ADGRD1: variants seen among roughly 807,000 people sequenced by gnomAD.
ADGRD1 encodes G-protein coupled receptor 133.
Under a neutral mutation model 113.4 loss-of-function variants are expected in ADGRD1, and 77 were observed. The observed-to-expected ratio is 0.68, with a 90% CI of 0.57 to 0.82. ADGRD1 has a LOEUF of 0.82. Ranked by LOEUF, ADGRD1 falls within the 40% of genes least tolerant of loss-of-function variation. The pLI, the probability that ADGRD1 is intolerant of heterozygous loss-of-function variation, is 0.00. For synonymous variants in ADGRD1, 474 were observed against 475.0 expected, an observed-to-expected ratio of 1.00 and a Z score of 0.03; for missense variants, 1,036 against 1,139.1, an observed-to-expected ratio of 0.91 and a Z score of 1.30.
intron 21 of ADGRD1, among the ~76,000 whole-genome samples, chr12:131,134,852 G>C (rs1951036279): frequency 6.6e-6 from 1 of 152,192 alleles, no homozygotes; most frequent in African/African-American, 2.4e-5. Flanking sequence ...CTGAGTCCTG[G>C]TGCTGGGATG....
Position 131,067,964 on chromosome 12 carries a change from G to A in ADGRD1, c.1474-8837G>A, listed in dbSNP as rs111387164. ...GAGCAGGGGCTGCCCTCTGCCTCCT[G>A]TATGTCTGATCGCTGTGCCCCTGAT... On this transcript the variant is annotated intron_variant, in intron 13 of 24. Coordinates refer to ENST00000261654, the MANE Select transcript of ADGRD1 (RefSeq NM_198827.5). 8.6e-3 allele frequency among the ~76,000 whole-genome samples: 437 copies of A among 50,762 alleles called. 1 individual carries two copies. Among genetic ancestry groups the A allele is most frequent in the South Asian group, 0.016 (14 of 852 alleles). The allele number at this position is 50,762 out of a possible 152,430, so 33.3% of individuals were successfully genotyped here.
rs549389842 is a variant in ADGRD1, at chr12:131,033,851, C to T, written c.1473+19511C>T. Among the ~76,000 whole-genome samples the T allele has an allele frequency of 4.6e-5, 7 of 152,262 alleles. No individual in the cohort carries two copies. The South Asian group carries it at 1.2e-3, about 27-fold the overall frequency. On this transcript the variant is annotated intron_variant, in intron 13 of 24. Coordinates refer to ENST00000261654, the MANE Select transcript of ADGRD1 (RefSeq NM_198827.5). Reference sequence around the variant, plus strand: ...GCCGCGTGGGTGAAGGCTGGGGACACGTGGTATCTGCAGGATCTAGGTGTG... The same window carrying T: ...GCCGCGTGGGTGAAGGCTGGGGACATGTGGTATCTGCAGGATCTAGGTGTG...
At chr12:131,034,579 GGAGA>G (rs1881171780) in intron 13 of ADGRD1, among the ~76,000 whole-genome samples, 1 of 152,226 alleles carries the variant, frequency 6.6e-6, no homozygotes, top group Non-Finnish European at 1.5e-5. Flanking sequence ...GAGAAGAGCA[GGAGA>G]GAGAGGGAGT....
chr12:130,974,089 G>GC (rs1872021946), intron 4 of ADGRD1, among the ~76,000 whole-genome samples: 1 of 152,192 alleles, frequency 6.6e-6, no homozygotes, highest in Non-Finnish European at 1.5e-5. Flanking sequence ...AGGTGACCGG[G>GC]CCATGAGCCT....
chr12:131,123,060 T>TG (rs1566130345), intron 20 of ADGRD1, among the ~76,000 whole-genome samples: 72 of 132,842 alleles, frequency 5.4e-4, no homozygotes, highest in African/African-American at 2.0e-3. Flanking sequence ...TTTTTTTTTT[T>TG]TTTTTTTTTT....
intron 23 of ADGRD1, chr12:131,137,648 G>C (rs1205279239): frequency 8.9e-6 from 2 of 224,322 alleles, no homozygotes; most frequent in Non-Finnish European, 1.8e-5. Flanking sequence ...GGACAGGCCA[G>C]GTGGGCCAAG....
chr12:131,135,923 C>A, intron 21 of ADGRD1, 114 bp from the exon 22 acceptor site: 1 of 1,145,308 alleles, frequency 8.7e-7, no homozygotes, highest in Non-Finnish European at 1.3e-6. Flanking sequence ...CCAGGTCTTG[C>A]TCCCGGCAGG....
chr12:130,987,550 C>T, intron 6 of ADGRD1: 1 of 606,922 alleles, frequency 1.6e-6, no homozygotes, highest in Non-Finnish European at 2.9e-6. Context: ...ACTAGAGATG[C>T]TTTGAGATGA....
At chr12:131,031,003 C>T (rs1880658483) in intron 13 of ADGRD1, among the ~76,000 whole-genome samples, 3 of 152,186 alleles carry the variant, frequency 2.0e-5, no homozygotes, top group Admixed American at 1.3e-4. Context: ...AGGGCCCCCA[C>T]CGAGGGCCGC....
chr12:131,074,873 A>G (rs1162629980), intron 13 of ADGRD1, among the ~76,000 whole-genome samples: 1 of 152,156 alleles, frequency 6.6e-6, no homozygotes, highest in Admixed American at 6.5e-5. Flanking sequence ...GACCACACAC[A>G]TGCTTGGCTT....
chr12:130,986,879 G>A, intron 5 of ADGRD1: 1 of 553,070 alleles, frequency 1.8e-6, no homozygotes, highest in Admixed American at 3.2e-5. Flanking sequence ...AACTGCTTCT[G>A]GAATTTAGGG....
At position 131,007,123 on chromosome 12, in the gene ADGRD1, G is replaced by A. The variant is rs148575062; in HGVS notation, c.1331+1076G>A. Among the ~76,000 whole-genome samples the A allele has an allele frequency of 3.3e-4, 51 of 152,346 alleles. 2 individuals are homozygous for A. Among genetic ancestry groups the A allele is most frequent in the African/African-American group, 1.0e-3 (42 of 41,576 alleles). On this transcript the variant is annotated intron_variant, in intron 12 of 24. Transcript: ENST00000261654. ...ACCTGCGTGGGAAAGCGGCATCCGT[G>A]CCACGGCCCACAACGTCACAAAGGC...
chr12:131,037,218 C>T (rs1016257286), intron 13 of ADGRD1, among the ~76,000 whole-genome samples: 9 of 104,156 alleles, frequency 8.6e-5, no homozygotes, highest in South Asian at 7.0e-4. Flanking sequence ...AGGTCTCACT[C>T]ACTGCACTGG....
At chr12:131,045,187 C>A (rs907587774) in intron 13 of ADGRD1, among the ~76,000 whole-genome samples, 3 of 152,226 alleles carry the variant, frequency 2.0e-5, no homozygotes, top group African/African-American at 7.2e-5. Context: ...CGTGGATGAG[C>A]CTGGCCCTCG....
intron 20 of ADGRD1, among the ~76,000 whole-genome samples, chr12:131,122,826 C>T (rs1244081147): frequency 1.3e-5 from 2 of 152,180 alleles, no homozygotes; most frequent in African/African-American, 4.8e-5. Flanking sequence ...GTGGCTCTGC[C>T]TGGCTCCTTC....
At chr12:131,104,738 G>T in intron 15 of ADGRD1, 93 bp from the exon 16 acceptor site, 2 of 760,294 alleles carry the variant, frequency 2.6e-6, no homozygotes, top group East Asian at 2.8e-5. Flanking sequence ...ACTCACAGGG[G>T]ACCAGCTGTG....
At position 131,060,934 on chromosome 12, in the gene ADGRD1, T is replaced by C. The variant is rs1884267182; in HGVS notation, c.1474-15867T>C. Among the ~76,000 whole-genome samples the C allele has an allele frequency of 6.6e-6, 1 of 151,822 alleles. No homozygotes were observed. Among genetic ancestry groups the C allele is most frequent in the South Asian group, 2.1e-4 (1 of 4,800 alleles). On this transcript the variant is annotated intron_variant, in intron 13 of 24. Coordinates refer to ENST00000261654, the MANE Select transcript of ADGRD1 (RefSeq NM_198827.5). The surrounding 1 kb of genome is among the most constrained non-coding windows in gnomAD (Gnocchi z 4.4). Reference sequence around the variant, plus strand: ...CATGTTACCTGGATGGAGAACAGAGTGGACAGAGTCCTGAAGGTCCCTCCT... The same window carrying C: ...CATGTTACCTGGATGGAGAACAGAGCGGACAGAGTCCTGAAGGTCCCTCCT...
chr12:131,045,007 C>T (rs1882533437), intron 13 of ADGRD1, among the ~76,000 whole-genome samples: 1 of 152,272 alleles, frequency 6.6e-6, no homozygotes, highest in South Asian at 2.1e-4. Flanking sequence ...GCCTTCTCCG[C>T]AGGCCGTGGT....
chr12:131,044,162 C>T lies in ADGRD1; in HGVS notation c.1473+29822C>T, dbSNP rs117739899. Among the ~76,000 whole-genome samples, 1,098 of 152,298 alleles carry T rather than the reference C, an allele frequency of 7.2e-3. 3 individuals carry two copies. The highest frequency in any genetic ancestry group is 0.011 in the Admixed American group (163 of 15,306). ...CTTAGAACAGGTTCTGATAAAGCAT[C>T]GCTTTCTCACTGGCAGCTGTGAAGT... On this transcript the variant is annotated intron_variant, in intron 13 of 24. Coordinates refer to ENST00000261654, the MANE Select transcript of ADGRD1 (RefSeq NM_198827.5).
Sources: allele counts gnomAD v4.1 joint callset (sites outside exome capture counted in the v4.1 genomes callset), GRCh38; gene constraint gnomAD v4.1.1; non-coding constraint Gnocchi (gnomAD v3.1); transcripts MANE v1.5; gene names NCBI Gene and HGNC (gene_info 2026-07-23, HGNC 2026-07-21).